Variants in SASS6 observed in about 807,000 individuals in gnomAD.
SASS6 encodes SAS-6 centriolar assembly protein, also known as spindle assembly abnormal protein 6 homolog.
In SASS6, 59 loss-of-function variants were observed where a neutral mutation model predicts 94.9. The observed-to-expected ratio is 0.62, with a 90% CI of 0.50 to 0.77. The LOEUF is 0.77. Among genes scored for constraint, SASS6 ranks in the 30% least tolerant of loss-of-function variants. SASS6 has a pLI of 0.00. For missense variants in SASS6, 698 were observed against 734.1 expected (o/e 0.95, Z 0.57); for synonymous variants, 264 against 270.0 (o/e 0.98, Z 0.22).
At chr1:100,129,068 A>C (rs956984439) in intron 1 of SASS6, among the ~76,000 whole-genome samples, 2 of 151,966 alleles carry the variant, frequency 1.3e-5, no homozygotes, top group East Asian at 1.9e-4. Context: ...GCAAAATCCT[A>C]TCTCTACAAA....
rs745802511 is a variant in SASS6 at position 100,085,549 on chromosome 1, T to C, written c.1854A>G (p.Leu618=). The C allele has an allele frequency of 6.2e-7, 1 of 1,610,994 alleles. No homozygotes were observed. Among genetic ancestry groups the C allele is most frequent in the Admixed American group, 1.7e-5 (1 of 59,914 alleles). Residue 618 remains leucine, a synonymous_variant, in exon 16 of 17, where the codon CTA becomes CTG. Transcript: ENST00000287482. ...ATCCCTGCTTACCTGAATTACTAAA[T>C]AGGTTCTGGCTGAGTCCGCGTAAAG... ...SIPLRGLSQN[L]FSNSDHQRDG...
At chr1:100,086,858 A>G (rs1239210927) in intron 15 of SASS6, among the ~76,000 whole-genome samples, 1 of 152,096 alleles carries the variant, frequency 6.6e-6, no homozygotes, top group Non-Finnish European at 1.5e-5. Flanking sequence ...TGATGAATTA[A>G]ATATATCAAA....
chr1:100,088,713 C>T (rs1182668849), intron 14 of SASS6, among the ~76,000 whole-genome samples: 2 of 151,958 alleles, frequency 1.3e-5, no homozygotes, highest in African/African-American at 4.8e-5. Context: ...TGGTAGTGCA[C>T]ACCTGTAGTC....
intron 14 of SASS6, among the ~76,000 whole-genome samples, chr1:100,089,719 G>C (rs993488817): frequency 2.6e-5 from 4 of 152,052 alleles, no homozygotes; most frequent in Non-Finnish European, 4.4e-5. Flanking sequence ...GACCTGCATT[G>C]TAAGAAGCCT....
chr1:100,110,845 T>TA lies in SASS6; in HGVS notation c.670-363dup, dbSNP rs756875510. 2.4e-3 allele frequency among the ~76,000 whole-genome samples: 367 copies of TA among 151,016 alleles called. 2 individuals carry two copies. The highest frequency in any genetic ancestry group is 4.6e-3 in the African/African-American group (189 of 41,290). On this transcript the variant is annotated intron_variant, in intron 7 of 16. Transcript: ENST00000287482. ...ATACAGGATGAACCTACTTGTGTATTAAAAAAAAAGCAGATTTTTGCTTTA... is the reference window on the plus strand; with the variant it reads ...ATACAGGATGAACCTACTTGTGTATTAAAAAAAAAAGCAGATTTTTGCTTTA...
At chr1:100,125,763 A>G in intron 2 of SASS6, 119 bp downstream of exon 2, 1 of 673,526 alleles carries the variant, frequency 1.5e-6, no homozygotes, top group South Asian at 1.8e-5. Context: ...AACAGTTGCA[A>G]AATAGCCTAA....
At chr1:100,113,034 C>T (rs1236550004) in intron 7 of SASS6, among the ~76,000 whole-genome samples, 1 of 152,144 alleles carries the variant, frequency 6.6e-6, no homozygotes, top group Non-Finnish European at 1.5e-5. Flanking sequence ...CAAACAAATC[C>T]TTCAGTCACT....
chr1:100,129,051 C>G lies in SASS6; in HGVS notation c.66-3109G>C, dbSNP rs185557176. ...GCCAAGAGTTCAAGACCAGCATGGGCAACATAGCAAAATCCTATCTCTACA... is the reference window on the plus strand; with the variant it reads ...GCCAAGAGTTCAAGACCAGCATGGGGAACATAGCAAAATCCTATCTCTACA... On this transcript the variant is annotated intron_variant, in intron 1 of 16. Transcript: ENST00000287482. Among the ~76,000 whole-genome samples the G allele has an allele frequency of 2.8e-3, 430 of 152,092 alleles. 5 individuals are homozygous for G. Among genetic ancestry groups the G allele is most frequent in the Non-Finnish European group, 2.4e-3 (165 of 67,996 alleles).
Position 100,107,618 on chromosome 1 carries a change from TA to T in SASS6, c.1146+9del, listed in dbSNP as rs768712937. 5 of 1,581,602 alleles carry T rather than the reference TA, an allele frequency of 3.2e-6. No individual in the cohort carries two copies. The Admixed American group carries it at 9.0e-5, about 29-fold the overall frequency. On this transcript the variant is annotated intron_variant, in intron 10 of 16. Coordinates refer to ENST00000287482, the MANE Select transcript of SASS6 (RefSeq NM_194292.3). ...ATGAAATACTAGTCTATAAAATTTT[TA>T]AAACAAACCTTCAGAAGTTCTGCAG...
chr1:100,111,095 A>G (rs1557888460), intron 7 of SASS6, among the ~76,000 whole-genome samples: 2 of 152,112 alleles, frequency 1.3e-5, no homozygotes, highest in South Asian at 2.1e-4. Flanking sequence ...AACGAACACT[A>G]TGAAATCCTA....
intron 7 of SASS6, among the ~76,000 whole-genome samples, chr1:100,117,887 TGAAAA>T (rs1653915047): frequency 7.4e-6 from 1 of 135,020 alleles, no homozygotes; most frequent in South Asian, 2.3e-4. Flanking sequence ...GAAAAAGGGA[TGAAAA>T]GAAAATAAAA....
At chr1:100,109,978 AG>A (rs1169272448) in intron 8 of SASS6, among the ~76,000 whole-genome samples, 2 of 151,972 alleles carry the variant, frequency 1.3e-5, no homozygotes, top group East Asian at 3.8e-4. Context: ...AAAAAACCCC[AG>A]CCCTGTCAAC....
chr1:100,089,991 G>C (rs552601193), intron 14 of SASS6, among the ~76,000 whole-genome samples: 1 of 152,018 alleles, frequency 6.6e-6, no homozygotes, highest in South Asian at 2.1e-4. Flanking sequence ...GTATATTATT[G>C]TAACAGTCTT....
chr1:100,126,622 C>A (rs1654641330), intron 1 of SASS6, among the ~76,000 whole-genome samples: 1 of 151,908 alleles, frequency 6.6e-6, no homozygotes, highest in African/African-American at 2.4e-5. Context: ...ACAAAAAATA[C>A]AAAAACAAGC....
intron 8 of SASS6, among the ~76,000 whole-genome samples, chr1:100,108,435 T>G (rs1195887078): frequency 1.3e-5 from 2 of 152,118 alleles, no homozygotes; most frequent in Non-Finnish European, 2.9e-5. Flanking sequence ...TCTTCACGTA[T>G]TACAAATATC....
At position 100,102,991 on chromosome 1, in the gene SASS6, A is replaced by C. The variant is rs1652612446; in HGVS notation, c.1638T>G (p.Ser546=). 2 of 1,612,040 alleles carry C rather than the reference A, an allele frequency of 1.2e-6. No homozygotes were observed. Among genetic ancestry groups the C allele is most frequent in the Admixed American group, 1.7e-5 (1 of 59,916 alleles). The part of the protein sequence containing the change: ...AFQNTFPHSI[S]AKNTSHPGSG... Reference sequence around the variant, plus strand: ...AACCAGGGTGGCTGGTATTTTTGGCAGATATCGAATGAGGGAAGGTATTCT... The same window carrying C: ...AACCAGGGTGGCTGGTATTTTTGGCCGATATCGAATGAGGGAAGGTATTCT... The change falls in exon 14 of 17, where the codon TCT becomes TCG. Residue 546 remains serine (S), a synonymous_variant. Transcript: ENST00000287482.
chr1:100,111,042 C>T (rs897722198), intron 7 of SASS6, among the ~76,000 whole-genome samples: 1 of 151,952 alleles, frequency 6.6e-6, no homozygotes, highest in Non-Finnish European at 1.5e-5. Flanking sequence ...ATATTTAGTG[C>T]CTGTCTGAAT....
intron 15 of SASS6, among the ~76,000 whole-genome samples, chr1:100,085,927 A>G (rs1380986477): frequency 6.6e-6 from 1 of 152,232 alleles, no homozygotes; most frequent in African/African-American, 2.4e-5. Context: ...TAAGTGATAC[A>G]TGACAGAAAA....
At chr1:100,110,896 T>C (rs952777487) in intron 7 of SASS6, among the ~76,000 whole-genome samples, 1 of 151,994 alleles carries the variant, frequency 6.6e-6, no homozygotes, top group Non-Finnish European at 1.5e-5. Context: ...TTTCAGTTTT[T>C]AATAATAAAT....
Sources: gnomAD v4.1 joint callset for allele counts (sites outside exome capture counted in the v4.1 genomes callset) on GRCh38, gnomAD v4.1.1 for gene constraint, MANE v1.5 for transcripts, NCBI Gene and HGNC (gene_info 2026-07-23, HGNC 2026-07-21) for gene names.